Variants in ZNF91 observed in about 807,000 individuals in gnomAD.
ZNF91 encodes the protein zinc finger protein 91 (HPF7, HTF10).
A neutral mutation model predicts 12.6 loss-of-function variants in ZNF91; 7 were observed. The observed-to-expected ratio is 0.55, with a 90% CI of 0.31 to 1.04. The LOEUF is 1.04. Among genes scored for constraint, ZNF91 ranks in the 50% least tolerant of loss-of-function variants. The pLI is 0.05. For synonymous variants in ZNF91, 453 were observed against 462.6 expected, an observed-to-expected ratio of 0.98 and a Z score of 0.27; for missense variants, 1,217 against 1,385.4, an observed-to-expected ratio of 0.88 and a Z score of 1.93.
At chr19:23,368,667 T>C (rs1969129428) in intron 3 of ZNF91, among the ~76,000 whole-genome samples, 1 of 151,702 alleles carries the variant, frequency 6.6e-6, no homozygotes, top group Non-Finnish European at 1.5e-5. Context: ...TTAACTACAC[T>C]ACACTTCAAA....
chr19:23,341,055 A>ATTT (rs199646954), intron 3 of ZNF91, among the ~76,000 whole-genome samples: 3 of 138,612 alleles, frequency 2.2e-5, no homozygotes, highest in East Asian at 2.1e-4. Context: ...TAAAACTGCC[A>ATTT]TTTTTTTTTT....
intron 3 of ZNF91, chr19:23,339,352 C>T (rs1968078953): frequency 6.6e-6 from 1 of 152,078 alleles, no homozygotes; most frequent in Admixed American, 6.6e-5. Context: ...ATGAACCCAA[C>T]ATCACAGCAC....
At chr19:23,382,915 A>G (rs1454644700) in intron 1 of ZNF91, among the ~76,000 whole-genome samples, 1 of 152,232 alleles carries the variant, frequency 6.6e-6, no homozygotes, top group Non-Finnish European at 1.5e-5. Context: ...GGTGGACCAG[A>G]CGTACAAAAA....
At chr19:23,370,266 A>T (rs1969221731) in intron 3 of ZNF91, among the ~76,000 whole-genome samples, 1 of 152,140 alleles carries the variant, frequency 6.6e-6, no homozygotes, top group Non-Finnish European at 1.5e-5. Context: ...ATACACTTTG[A>T]GATTATGTCA....
intron 3 of ZNF91, among the ~76,000 whole-genome samples, chr19:23,369,814 G>C (rs1040445611): frequency 1.3e-5 from 2 of 150,750 alleles, no homozygotes; most frequent in African/African-American, 2.4e-5. Context: ...CAGCATGCTC[G>C]TTAAGAGTCA....
intron 3 of ZNF91, among the ~76,000 whole-genome samples, chr19:23,347,333 C>A (rs1968257124): frequency 6.6e-6 from 1 of 152,162 alleles, no homozygotes; most frequent in African/African-American, 2.4e-5. Flanking sequence ...TCATAAATGA[C>A]TCTATCAGCA....
chr19:23,380,517 ATACTAATAGGGTTT>A (rs954113195), intron 1 of ZNF91: 3 of 152,154 alleles, frequency 2.0e-5, no homozygotes, highest in African/African-American at 7.2e-5. Flanking sequence ...ACATTATGGG[ATACTAATAGGGTTT>A]CTAAAACAGA....
downstream of ZNF91, among the ~76,000 whole-genome samples, chr19:23,355,940 C>A (rs1408356879): frequency 6.6e-6 from 1 of 152,064 alleles, no homozygotes; most frequent in Non-Finnish European, 1.5e-5. Flanking sequence ...AAATCAAACC[C>A]ACAATGCGAT....
chr19:23,351,794 T>C (rs1483820318), intron 3 of ZNF91, among the ~76,000 whole-genome samples: 1 of 152,146 alleles, frequency 6.6e-6, no homozygotes, highest in Non-Finnish European at 1.5e-5. Flanking sequence ...CCCTAAATAC[T>C]GTGAGTGCCC....
rs979275777 is a variant in ZNF91, at chr19:23,391,937, T to C, written c.30+3388A>G. Among the ~76,000 whole-genome samples the C allele has an allele frequency of 2.0e-5, 3 of 152,320 alleles. No homozygotes were observed. In the East Asian group the frequency reaches 5.8e-4, roughly 29 times the overall value. On this transcript the variant is annotated intron_variant, in intron 1 of 3. Coordinates refer to ENST00000300619, the MANE Select transcript of ZNF91 (RefSeq NM_003430.4). ...TTAACTTGGCTTTTGAAACTATAAC[T>C]AGGTGGTAGAATAATTCAGCAAAAT...
intron 1 of ZNF91, chr19:23,384,629 T>A: frequency 1.3e-6 from 1 of 758,794 alleles, no homozygotes; most frequent in South Asian, 2.8e-5. Flanking sequence ...TCAGTCCCCC[T>A]CTTGGAGGCT....
intron 1 of ZNF91, among the ~76,000 whole-genome samples, chr19:23,332,809 T>C (rs752434821): frequency 3.9e-5 from 6 of 152,116 alleles, no homozygotes; most frequent in Non-Finnish European, 7.4e-5. Flanking sequence ...TGTTACTACA[T>C]GAACTGACTG....
At chr19:23,325,232 A>G (rs1251522416) in intron 1 of ZNF91, 2 of 151,954 alleles carry the variant, frequency 1.3e-5, no homozygotes, top group African/African-American at 4.8e-5. Flanking sequence ...GTTGCCCCCA[A>G]AGTGGTCTGG....
intron 3 of ZNF91, among the ~76,000 whole-genome samples, chr19:23,368,206 A>G (rs979773059): frequency 2.6e-5 from 4 of 151,900 alleles, no homozygotes; most frequent in Non-Finnish European, 4.4e-5. Flanking sequence ...ATAAATTTTT[A>G]ATCTCTTAAA....
rs190538672 is a variant in ZNF91 at position 23,374,875 on chromosome 19, G to T, written c.31-111C>A. Reference sequence around the variant, plus strand: ...CTAGAACTGGTTCTGACTTATAAGAGTGGCTGAAATTATCCAATAAAATAA... The same window carrying T: ...CTAGAACTGGTTCTGACTTATAAGATTGGCTGAAATTATCCAATAAAATAA... On this transcript the variant is annotated intron_variant, in intron 1 of 3. Transcript: ENST00000300619. 2.8e-3 allele frequency: 4,247 copies of T among 1,505,108 alleles called. 36 individuals carry two copies. The highest frequency in any genetic ancestry group is 2.3e-3 in the Non-Finnish European group (2,623 of 1,116,332). The allele number at this position is 1,505,108 out of a possible 1,614,324, so 93.2% of individuals were successfully genotyped here.
chr19:23,314,060 AT>A (rs1967511719), upstream of ZNF91, among the ~76,000 whole-genome samples: 1 of 151,908 alleles, frequency 6.6e-6, no homozygotes, highest in African/African-American at 2.4e-5. Context: ...AGGTCCATGA[AT>A]GTCACATGGA....
intron 3 of ZNF91, among the ~76,000 whole-genome samples, chr19:23,346,411 C>T (rs923417256): frequency 6.6e-6 from 1 of 152,068 alleles, no homozygotes; most frequent in Non-Finnish European, 1.5e-5. Flanking sequence ...ATGCCACCAT[C>T]GAGACAACAT....
At chr19:23,391,694 G>C (rs1970068501) in intron 1 of ZNF91, among the ~76,000 whole-genome samples, 1 of 152,108 alleles carries the variant, frequency 6.6e-6, no homozygotes, top group South Asian at 2.1e-4. Context: ...AATCTTAACT[G>C]CATCTGCGTG....
At chr19:23,363,543 T>C (rs1189288454) in intron 3 of ZNF91, among the ~76,000 whole-genome samples, 1 of 152,220 alleles carries the variant, frequency 6.6e-6, no homozygotes, top group African/African-American at 2.4e-5. Context: ...CCCATAATCA[T>C]TAGACAAGAC....
Sources: allele counts gnomAD v4.1 joint callset (sites outside exome capture counted in the v4.1 genomes callset), GRCh38; gene constraint gnomAD v4.1.1; transcripts MANE v1.5; gene names NCBI Gene and HGNC (gene_info 2026-07-23, HGNC 2026-07-21).